TMEM8B: variants seen among roughly 807,000 people sequenced by gnomAD.
TMEM8B encodes nasopharyngeal carcinoma expressed 6.
In TMEM8B, 29 loss-of-function variants were observed where a neutral mutation model predicts 49.3. The ratio of observed to expected loss-of-function variants is 0.59; its 90% CI spans 0.44 to 0.80. TMEM8B has a LOEUF of 0.80. Ranked by LOEUF, TMEM8B falls within the 30% of genes least tolerant of loss-of-function variation. TMEM8B has a pLI of 0.00. For missense variants in TMEM8B, 575 were observed against 658.5 expected (o/e 0.87, Z 1.39); for synonymous variants, 264 against 272.8 (o/e 0.97, Z 0.32).
rs549877627 is a variant in TMEM8B, at chr9:35,838,431, G to C, written c.907-2703G>C. Among the ~76,000 whole-genome samples, 5 of 151,878 alleles carry C rather than the reference G, an allele frequency of 3.3e-5. No individual in the cohort carries two copies. In the South Asian group the frequency reaches 1.0e-3, roughly 32 times the overall value. The stretch of plus-strand genomic sequence containing the variant: ...TCCTTTCCTGGCCTCTCCTCTGCTT[G>C]ATCTCCAGGTTGTAGTGGCCCAATG... On this transcript the variant is annotated intron_variant, in intron 3 of 12. Coordinates refer to ENST00000643932, the MANE Select transcript of TMEM8B (RefSeq NM_001042590.4).
intron 10 of TMEM8B, among the ~76,000 whole-genome samples, chr9:35,850,538 A>T (rs183338868): frequency 3.7e-4 from 57 of 152,334 alleles, no homozygotes; most frequent in African/African-American, 1.3e-3. Flanking sequence ...AACCTTAAAC[A>T]ATCTCTTTGA....
chr9:35,829,237 T>C lies in TMEM8B; in HGVS notation c.-211T>C, dbSNP rs909253064. 5.8e-5 allele frequency: 20 copies of C among 342,486 alleles called. No individual in the cohort carries two copies. The highest frequency in any genetic ancestry group is 3.2e-4 in the African/African-American group (15 of 46,352). 21.2% of individuals were successfully genotyped at this position (342,486 alleles called of 1,614,324 possible). On this transcript the variant is annotated 5_prime_UTR_variant, in exon 1 of 13. Transcript: ENST00000643932. ...CGGGGGGCGGGGCGTCACGCCGACGTCAAGTCGAGGCCGCCGCCGCGGGGC... is the reference window on the plus strand; with the variant it reads ...CGGGGGGCGGGGCGTCACGCCGACGCCAAGTCGAGGCCGCCGCCGCGGGGC...
rs768818380 is a variant in TMEM8B, at chr9:35,842,875, C to A, written c.1635+158C>A. Among the ~76,000 whole-genome samples, 55 of 152,226 alleles carry A rather than the reference C, an allele frequency of 3.6e-4. No homozygotes were observed. The highest frequency in any genetic ancestry group is 6.0e-4 in the Non-Finnish European group (41 of 68,034). ...CATGGCTCAGCCCAATTCTGGTCAA[C>A]AAACATGTCCTGAGTATTCACTCTG... On this transcript the variant is annotated intron_variant, in intron 6 of 12. Transcript: ENST00000643932. The surrounding 1 kb of genome is among the most constrained non-coding windows in gnomAD (Gnocchi z 5.6).
At position 35,842,646 on chromosome 9, in the gene TMEM8B, G is replaced by A. The variant is rs369682052; in HGVS notation, c.1564G>A (p.Val522Met). ...GGCCCTTCCCCCTGAGCGCCCAGCCGTGTTCGCCATGAGGCTGTTGCCAGT... is the reference window on the plus strand; with the variant it reads ...GGCCCTTCCCCCTGAGCGCCCAGCCATGTTCGCCATGAGGCTGTTGCCAGT... ...SVALPPERPA[V>M]FAMRLLPVLD... Residue 522 changes from valine to methionine, a missense_variant, in exon 6 of 13, where the codon GTG (valine) becomes ATG (methionine). Physicochemically the swap from Val to Met is conservative, Grantham distance 21. Transcript: ENST00000643932. The surrounding 1 kb of genome is among the most constrained non-coding windows in gnomAD (Gnocchi z 5.6). The A allele has an allele frequency of 1.5e-5, 25 of 1,614,028 alleles. No homozygotes were observed. Among genetic ancestry groups the A allele is most frequent in the East Asian group, 1.1e-4 (5 of 44,896 alleles).
chr9:35,863,408 G>A lies in TMEM8B; in HGVS notation c.*9568G>A, dbSNP rs999519963. ...TTCATGGAAACTAGAACCAGCACAC[G>A]AAACCATTGGCTTGTGGCCCTAAAG... On this transcript the variant is annotated 3_prime_UTR_variant, in exon 13 of 13. Transcript: ENST00000643932. 1.2e-4 allele frequency: 18 copies of A among 152,142 alleles called. No homozygotes were observed. Among genetic ancestry groups the A allele is most frequent in the Admixed American group, 6.5e-5 (1 of 15,268 alleles). 9.4% of individuals were successfully genotyped at this position (152,142 alleles called of 1,614,324 possible). A position where few individuals can be genotyped will look rare whatever the true frequency, so the allele number is the denominator to read the frequency against.
chr9:35,856,535 A>G lies in TMEM8B; in HGVS notation c.*2695A>G, dbSNP rs1832552728. 1.3e-5 allele frequency: 2 copies of G among 152,282 alleles called. No individual in the cohort carries two copies. The highest frequency in any genetic ancestry group is 2.9e-5 in the Non-Finnish European group (2 of 68,094). 9.4% of individuals were successfully genotyped at this position (152,282 alleles called of 1,614,324 possible). On this transcript the variant is annotated 3_prime_UTR_variant, in exon 13 of 13. Transcript: ENST00000643932. ...TGGAGAGATTAAGCAGGAGAGGAACATCAGATTGGGGTTTTGATGGCTGGG... is the reference window on the plus strand; with the variant it reads ...TGGAGAGATTAAGCAGGAGAGGAACGTCAGATTGGGGTTTTGATGGCTGGG...
chr9:35,845,920 C>T (rs902332378), intron 6 of TMEM8B, 55 bp from the exon 7 acceptor site: 17 of 1,607,318 alleles, frequency 1.1e-5, no homozygotes, highest in African/African-American at 4.0e-5. Context: ...CTGAGGGTGG[C>T]GGTGGGTGGA....
intron 3 of TMEM8B, among the ~76,000 whole-genome samples, chr9:35,838,036 C>T (rs758133799): frequency 2.0e-5 from 3 of 152,078 alleles, no homozygotes; most frequent in Admixed American, 1.3e-4. Flanking sequence ...GTGAAGAAGT[C>T]GACTGTACAG....
intron 6 of TMEM8B, among the ~76,000 whole-genome samples, chr9:35,843,183 T>C (rs937160456): frequency 6.6e-6 from 1 of 152,212 alleles, no homozygotes; most frequent in Admixed American, 6.5e-5. Context: ...AGAAGCCATT[T>C]CCAGTAAATC....
rs1437774073 is a variant in TMEM8B at position 35,857,429 on chromosome 9, A to G, written c.*3589A>G. The stretch of plus-strand genomic sequence containing the variant: ...GATGGTGTCTAACCTAGCTTTGAAA[A>G]CTAGTCCCAGCTATTATCAGAGAAC... On this transcript the variant is annotated 3_prime_UTR_variant, in exon 13 of 13. Coordinates refer to ENST00000643932, the MANE Select transcript of TMEM8B (RefSeq NM_001042590.4). 6.6e-6 allele frequency: 1 copy of G among 152,254 alleles called. No individual in the cohort carries two copies. The highest frequency in any genetic ancestry group is 1.5e-5 in the Non-Finnish European group (1 of 68,064). 9.4% of individuals were successfully genotyped at this position (152,254 alleles called of 1,614,324 possible).
At position 35,860,030 on chromosome 9, in the gene TMEM8B, C is replaced by T. The variant is rs1832623108; in HGVS notation, c.*6190C>T. 6.6e-6 allele frequency: 1 copy of T among 152,282 alleles called. No individual in the cohort carries two copies. Among genetic ancestry groups the T allele is most frequent in the Non-Finnish European group, 1.5e-5 (1 of 68,058 alleles). The allele number at this position is 152,282 out of a possible 1,614,324, so 9.4% of individuals were successfully genotyped here. On this transcript the variant is annotated 3_prime_UTR_variant, in exon 13 of 13. Coordinates refer to ENST00000643932, the MANE Select transcript of TMEM8B (RefSeq NM_001042590.4). ...GGACCACCCAGCTTTTTGGAAAAAG[C>T]TCCAACTGGCCTGGGAGCCCAGTGA...
rs149024263 is a variant in TMEM8B, at chr9:35,860,702, T to C, written c.*6862T>C. The C allele has an allele frequency of 8.5e-5, 13 of 152,346 alleles. No individual in the cohort carries two copies. The highest frequency in any genetic ancestry group is 2.9e-4 in the African/African-American group (12 of 41,578). The allele number at this position is 152,346 out of a possible 1,614,324, so 9.4% of individuals were successfully genotyped here. On this transcript the variant is annotated 3_prime_UTR_variant, in exon 13 of 13. Transcript: ENST00000643932. ...ACACATAAGAACGTACATGTCTCAATAGAGTTACTGGTCACAGGACTGAAC... is the reference window on the plus strand; with the variant it reads ...ACACATAAGAACGTACATGTCTCAACAGAGTTACTGGTCACAGGACTGAAC...
At chr9:35,849,733 C>T (rs1313855000) in intron 10 of TMEM8B, among the ~76,000 whole-genome samples, 1 of 152,112 alleles carries the variant, frequency 6.6e-6, no homozygotes, top group South Asian at 2.1e-4. Context: ...AAGGCATGGC[C>T]CCAGTTTAGT....
rs1402537616 is a variant in TMEM8B, at chr9:35,862,522, G to C, written c.*8682G>C. On this transcript the variant is annotated 3_prime_UTR_variant, in exon 13 of 13. Coordinates refer to ENST00000643932, the MANE Select transcript of TMEM8B (RefSeq NM_001042590.4). ...GTGGGCCTGGCGGAGGCATTTGAGG[G>C]CTTTTGTGTGTGCAGGCTCTGGCCC... The C allele has an allele frequency of 6.6e-6, 1 of 152,268 alleles. No individual in the cohort carries two copies. Among genetic ancestry groups the C allele is most frequent in the Admixed American group, 6.5e-5 (1 of 15,272 alleles). 9.4% of individuals were successfully genotyped at this position (152,268 alleles called of 1,614,324 possible).
intron 3 of TMEM8B, among the ~76,000 whole-genome samples, chr9:35,839,651 A>G (rs776712276): frequency 3.2e-4 from 48 of 152,338 alleles, no homozygotes; most frequent in Non-Finnish European, 6.2e-4. Flanking sequence ...CTAGCAAGGA[A>G]ATGGGCCACC....
chr9:35,856,680 A>G lies in TMEM8B; in HGVS notation c.*2840A>G, dbSNP rs2132422788. The stretch of plus-strand genomic sequence containing the variant: ...CAATATCGGTGGAAAGGAGGGGACC[A>G]ATTTAAGAGCTGTTAGGAGTGAACT... On this transcript the variant is annotated 3_prime_UTR_variant, in exon 13 of 13. Transcript: ENST00000643932. The G allele has an allele frequency of 6.6e-6, 1 of 152,304 alleles. No individual in the cohort carries two copies. The highest frequency in any genetic ancestry group is 1.5e-5 in the Non-Finnish European group (1 of 68,044). 9.4% of individuals were successfully genotyped at this position (152,304 alleles called of 1,614,324 possible).
rs1408799350 is a variant in TMEM8B at position 35,855,521 on chromosome 9, G to A, written c.*1681G>A. 1 of 152,202 alleles carries A rather than the reference G, an allele frequency of 6.6e-6. No individual in the cohort carries two copies. The highest frequency in any genetic ancestry group is 1.5e-5 in the Non-Finnish European group (1 of 68,120). 9.4% of individuals were successfully genotyped at this position (152,202 alleles called of 1,614,324 possible). A position where few individuals can be genotyped will look rare whatever the true frequency, so the allele number is the denominator to read the frequency against. ...TGATTCTCCTGTCTCAGCCTCCCGA[G>A]TAGCTGGGATTAGAGGTGTGCACCA... is the stretch of plus-strand genomic sequence containing the variant. On this transcript the variant is annotated 3_prime_UTR_variant, in exon 13 of 13. Coordinates refer to ENST00000643932, the MANE Select transcript of TMEM8B (RefSeq NM_001042590.4).
In TMEM8B at chr9:35,861,910, TTTCC is replaced by T. The variant is rs1279960450; in HGVS notation, c.*8076_*8079del. 6.6e-6 allele frequency: 1 copy of T among 152,210 alleles called. No individual in the cohort carries two copies. Among genetic ancestry groups the T allele is most frequent in the Non-Finnish European group, 1.5e-5 (1 of 68,058 alleles). The allele number at this position is 152,210 out of a possible 1,614,324, so 9.4% of individuals were successfully genotyped here. ...AGCTTTCTCCAGAGCCTGTGCAGGA[TTTCC>T]TTCCTCTACCCTGAATCAGGGTGAT... is the stretch of plus-strand genomic sequence containing the variant. On this transcript the variant is annotated 3_prime_UTR_variant, in exon 13 of 13. Coordinates refer to ENST00000643932, the MANE Select transcript of TMEM8B (RefSeq NM_001042590.4).
In TMEM8B at chr9:35,857,379, G is replaced by A. The variant is rs1244967986; in HGVS notation, c.*3539G>A. On this transcript the variant is annotated 3_prime_UTR_variant, in exon 13 of 13. Coordinates refer to ENST00000643932, the MANE Select transcript of TMEM8B (RefSeq NM_001042590.4). ...GATGTAAAGAGAGCGATCTCAAAGT[G>A]CAATGGGAAAGGATGCATGAGAGAG... 6.6e-6 allele frequency: 1 copy of A among 152,272 alleles called. No homozygotes were observed. The highest frequency in any genetic ancestry group is 2.4e-5 in the African/African-American group (1 of 41,454). 9.4% of individuals were successfully genotyped at this position (152,272 alleles called of 1,614,324 possible).
Sources: gnomAD v4.1 joint callset for allele counts (sites outside exome capture counted in the v4.1 genomes callset) on GRCh38, gnomAD v4.1.1 for gene constraint, Gnocchi (gnomAD v3.1) non-coding constraint, MANE v1.5 for transcripts, NCBI Gene and HGNC (gene_info 2026-07-23, HGNC 2026-07-21) for gene names.